Variants in MED12L observed in about 807,000 individuals in gnomAD.
The protein encoded by MED12L is mediator of RNA polymerase II transcription subunit 12-like protein.
A neutral mutation model predicts 281.3 loss-of-function variants in MED12L; 60 were observed. That is an observed-to-expected ratio of 0.21 (90% CI 0.17 to 0.26). The LOEUF (loss-of-function observed/expected upper bound fraction) is 0.26, where lower values mean the gene tolerates loss of function less well. MED12L is among the 10% of genes least tolerant of loss of function. MED12L has a pLI of 1.00. For synonymous variants in MED12L, 974 were observed against 987.2 expected, an observed-to-expected ratio of 0.99 and a Z score of 0.25; for missense variants, 2,146 against 2,680.9, an observed-to-expected ratio of 0.80 and a Z score of 4.41.
At chr3:151,405,987 A>G (rs1174758295) in intron 39 of MED12L, among the ~76,000 whole-genome samples, 2 of 152,248 alleles carry the variant, frequency 1.3e-5, no homozygotes, top group South Asian at 2.1e-4. Context: ...TTCTGAACAG[A>G]TATTTACTGA....
At chr3:151,353,820 CT>C (rs1753548941) in intron 17 of MED12L, among the ~76,000 whole-genome samples, 2 of 152,158 alleles carry the variant, frequency 1.3e-5, no homozygotes, top group East Asian at 3.9e-4. Flanking sequence ...GAGTAGAACT[CT>C]TGTCTTGGTA....
intron 44 of MED12L, among the ~76,000 whole-genome samples, chr3:151,432,477 A>G (rs1034561755): frequency 1.3e-5 from 2 of 152,222 alleles, no homozygotes; most frequent in African/African-American, 4.8e-5. Flanking sequence ...GTTAATACCA[A>G]GTAGTTTAGT....
At chr3:151,424,382 A>G (rs374359863) in intron 43 of MED12L, among the ~76,000 whole-genome samples, 2 of 152,306 alleles carry the variant, frequency 1.3e-5, no homozygotes, top group East Asian at 1.9e-4. Flanking sequence ...GCACTTTGGG[A>G]GGCTGAGGCG....
intron 16 of MED12L, among the ~76,000 whole-genome samples, chr3:151,319,381 A>G (rs927957890): frequency 6.6e-6 from 1 of 151,886 alleles, no homozygotes; most frequent in South Asian, 2.1e-4. Flanking sequence ...TGTTAAATGC[A>G]GGGCACTCTT....
At chr3:151,334,656 C>T (rs921168954) in intron 16 of MED12L, among the ~76,000 whole-genome samples, 2 of 151,964 alleles carry the variant, frequency 1.3e-5, no homozygotes, top group Admixed American at 6.6e-5. Flanking sequence ...CCCACCACCA[C>T]GCCCAGCTAA....
At chr3:151,310,469 A>G (rs1334030025) in intron 16 of MED12L, among the ~76,000 whole-genome samples, 1 of 152,164 alleles carries the variant, frequency 6.6e-6, no homozygotes, top group East Asian at 1.9e-4. Flanking sequence ...GTTCAATACA[A>G]CATTGGTTCT....
chr3:151,249,067 T>C lies in MED12L; in HGVS notation c.2250+55401T>C, dbSNP rs1023145945. ...TCTCGCCAAATGCTTGAATGTCAGGTACTACAGATGTCCAGTATTCTTTGG... is the reference window on the plus strand; with the variant it reads ...TCTCGCCAAATGCTTGAATGTCAGGCACTACAGATGTCCAGTATTCTTTGG... On this transcript the variant is annotated intron_variant, in intron 16 of 44. Transcript: ENST00000687756. 3 of 152,226 alleles carry C rather than the reference T, an allele frequency of 2.0e-5. No individual in the cohort carries two copies. In the East Asian group the frequency reaches 5.8e-4, roughly 29 times the overall value. The allele number at this position is 152,226 out of a possible 1,614,324, so 9.4% of individuals were successfully genotyped here.
intron 11 of MED12L, among the ~76,000 whole-genome samples, chr3:151,181,526 T>TC (rs1348419774): frequency 3.3e-5 from 5 of 151,298 alleles, no homozygotes; most frequent in African/African-American, 1.2e-4. Flanking sequence ...TGCCTTAGCT[T>TC]CCCCAGTAGC....
In MED12L at chr3:151,434,507, C is replaced by CT. The variant is rs1481024529; in HGVS notation, c.*1704dup. ...CTATTCTTTTCACTAAATTAATAGT[C>CT]TATCTGCTTTCAGAAGATGTATCAT... is the stretch of plus-strand genomic sequence containing the variant. On this transcript the variant is annotated 3_prime_UTR_variant, in exon 45 of 45. Transcript: ENST00000687756. 1 of 93,484 alleles carries CT rather than the reference C, an allele frequency of 1.1e-5. No homozygotes were observed. Among genetic ancestry groups the CT allele is most frequent in the Non-Finnish European group, 2.2e-5 (1 of 44,600 alleles). The allele number at this position is 93,484 out of a possible 1,614,324, so 5.8% of individuals were successfully genotyped here. A position where few individuals can be genotyped will look rare whatever the true frequency, so the allele number is the denominator to read the frequency against.
chr3:151,228,397 T>G (rs1018797635), intron 16 of MED12L, among the ~76,000 whole-genome samples: 1 of 152,154 alleles, frequency 6.6e-6, no homozygotes, highest in Admixed American at 6.5e-5. Context: ...GTGGGAACAT[T>G]GCGCGTACAG....
chr3:151,207,688 G>C (rs1694528894), intron 16 of MED12L, among the ~76,000 whole-genome samples: 1 of 151,824 alleles, frequency 6.6e-6, no homozygotes, highest in Non-Finnish European at 1.5e-5. Flanking sequence ...TTGGTTAGGA[G>C]AGAAAGTGGA....
chr3:151,373,836 C>G (rs948978482), intron 27 of MED12L, among the ~76,000 whole-genome samples: 27 of 152,106 alleles, frequency 1.8e-4, no homozygotes, highest in Non-Finnish European at 2.8e-4. Context: ...TCAACTATTC[C>G]TCCAAGGAGC....
Position 151,432,786 on chromosome 3 carries a change from G to T in MED12L, c.6525G>T (p.Gly2175=). ...NQPQQGVTPY[G]HPSHF ...CACAGCAAGGAGTGACTCCGTATGG[G>T]CATCCTTCACACTTCTGAATCTGCA... Residue 2175 remains glycine, a synonymous_variant, in exon 45 of 45, where the codon GGG becomes GGT. Transcript: ENST00000687756. The T allele has an allele frequency of 6.2e-7, 1 of 1,612,798 alleles. No homozygotes were observed. Among genetic ancestry groups the T allele is most frequent in the Non-Finnish European group, 8.5e-7 (1 of 1,179,288 alleles).
At chr3:151,245,231 T>A (rs938630878) in intron 16 of MED12L, among the ~76,000 whole-genome samples, 12 of 152,102 alleles carry the variant, frequency 7.9e-5, no homozygotes, top group African/African-American at 2.9e-4. Flanking sequence ...ACTACTCCAA[T>A]CAATAGAAAA....
rs768776609 is a variant in MED12L at position 151,378,037 on chromosome 3, T to C, written c.4342T>C (p.Leu1448=). The C allele has an allele frequency of 6.2e-7, 1 of 1,610,526 alleles. No homozygotes were observed. The highest frequency in any genetic ancestry group is 8.5e-7 in the Non-Finnish European group (1 of 1,177,916). ...LSSSERRGVW[L]VAPLIARLPT... ...TTCCTCCGAACGCAGGGGTGTATGG[T>C]TGGTGGCCCCCCTCATCGCCAGGTT... The change falls in exon 31 of 45, where the codon TTG becomes CTG. Residue 1448 remains leucine (L), a synonymous_variant. Coordinates refer to ENST00000687756, the MANE Select transcript of MED12L (RefSeq NM_001393769.1).
chr3:151,110,021 T>A (rs57918056), intron 2 of MED12L, among the ~76,000 whole-genome samples: 3 of 152,174 alleles, frequency 2.0e-5, no homozygotes, highest in Admixed American at 1.3e-4. Flanking sequence ...TGGCTAGATA[T>A]AGTGAACAAG....
Position 151,411,505 on chromosome 3 carries a change from G to A in MED12L, c.6138G>A (p.Gln2046=). ...ACCTGCAGCCCCTGACTGGCTCTCAGAGGTGATACATGTGGAAATGATGAT... is the reference window on the plus strand; with the variant it reads ...ACCTGCAGCCCCTGACTGGCTCTCAAAGGTGATACATGTGGAAATGATGAT... ...SPYLQPLTGS[Q]RLNHQALQQS... is the part of the protein sequence containing the mutation. The change falls in exon 41 of 45, where the codon CAG becomes CAA. Residue 2046 remains glutamine, a splice_region_variant and synonymous_variant. Coordinates refer to ENST00000687756, the MANE Select transcript of MED12L (RefSeq NM_001393769.1). 1 of 1,613,914 alleles carries A rather than the reference G, an allele frequency of 6.2e-7. No homozygotes were observed. The highest frequency in any genetic ancestry group is 1.1e-5 in the South Asian group (1 of 91,064).
intron 5 of MED12L, among the ~76,000 whole-genome samples, chr3:151,147,781 T>C (rs921434314): frequency 6.6e-6 from 1 of 152,220 alleles, no homozygotes; most frequent in Non-Finnish European, 1.5e-5. Context: ...TTGGATTGTT[T>C]TCACTTTTTG....
In MED12L at chr3:151,422,475, G is replaced by A. The variant is rs1476950206; in HGVS notation, c.6408+6053G>A. On this transcript the variant is annotated intron_variant, in intron 43 of 44. Coordinates refer to ENST00000687756, the MANE Select transcript of MED12L (RefSeq NM_001393769.1). ...TCGGCCCGTGGAAGCAGCACCCTGAGCTTTGCCTCCACCTTCGCAGGCATT... is the reference window on the plus strand; with the variant it reads ...TCGGCCCGTGGAAGCAGCACCCTGAACTTTGCCTCCACCTTCGCAGGCATT... 3.3e-5 allele frequency among the ~76,000 whole-genome samples: 5 copies of A among 152,182 alleles called. No individual in the cohort carries two copies. The South Asian group carries it at 6.2e-4, about 19-fold the overall frequency.
Sources: gnomAD v4.1 joint callset for allele counts (sites outside exome capture counted in the v4.1 genomes callset) on GRCh38, gnomAD v4.1.1 for gene constraint, MANE v1.5 for transcripts, NCBI Gene and HGNC (gene_info 2026-07-23, HGNC 2026-07-21) for gene names.